The following MACROD2 variants were observed in gnomAD, a reference collection of about 807,000 sequenced individuals.
MACROD2 encodes mono-ADP ribosylhydrolase 2, also known as ADP-ribose glycohydrolase MACROD2.
A neutral mutation model predicts 70.4 loss-of-function variants in MACROD2; 36 were observed. The ratio of observed to expected loss-of-function variants is 0.51; its 90% CI spans 0.39 to 0.68. The LOEUF (loss-of-function observed/expected upper bound fraction) is 0.68, where lower values mean the gene tolerates loss of function less well. Ranked by LOEUF, MACROD2 falls within the 30% of genes least tolerant of loss-of-function variation. The pLI is 0.00. For missense variants in MACROD2, 496 were observed against 538.4 expected, an observed-to-expected ratio of 0.92 and a Z score of 0.78; for synonymous variants, 172 against 178.8, an observed-to-expected ratio of 0.96 and a Z score of 0.30.
intron 3 of MACROD2, among the ~76,000 whole-genome samples, chr20:14,128,540 A>T (rs1407288773): frequency 6.6e-6 from 1 of 152,238 alleles, no homozygotes; most frequent in Admixed American, 6.5e-5. Context: ...GAGGCAAGTT[A>T]TCCAGAAGAC....
chr20:15,576,986 G>A (rs1184099080), intron 8 of MACROD2, among the ~76,000 whole-genome samples: 1 of 152,044 alleles, frequency 6.6e-6, no homozygotes, highest in Non-Finnish European at 1.5e-5. Context: ...TCCATCTGAA[G>A]GGAAACACTT....
intron 5 of MACROD2, among the ~76,000 whole-genome samples, chr20:14,744,446 TATC>T (rs767245457): frequency 5.9e-5 from 9 of 152,338 alleles, no homozygotes; most frequent in Admixed American, 2.6e-4. Flanking sequence ...CTTACATAAT[TATC>T]ATGTTTGTGG....
intron 3 of MACROD2, among the ~76,000 whole-genome samples, chr20:14,199,959 T>G (rs890635710): frequency 1.3e-5 from 2 of 152,194 alleles, no homozygotes; most frequent in Non-Finnish European, 2.9e-5. Context: ...ATTATGTAGT[T>G]TCTTATGGTA....
chr20:15,707,914 T>C (rs1203277663), intron 8 of MACROD2, among the ~76,000 whole-genome samples: 1 of 151,686 alleles, frequency 6.6e-6, no homozygotes, highest in African/African-American at 2.4e-5. Context: ...AAAGGCTGCA[T>C]GGTGTGAGTG....
chr20:15,137,225 CTGTAAATCA>C (rs1234869995), intron 5 of MACROD2, among the ~76,000 whole-genome samples: 1 of 151,426 alleles, frequency 6.6e-6, no homozygotes, highest in Non-Finnish European at 1.5e-5. Context: ...ACCCAAAGGA[CTGTAAATCA>C]TGCTGCTATA....
At chr20:14,781,892 T>C (rs1487716966) in intron 5 of MACROD2, among the ~76,000 whole-genome samples, 1 of 151,792 alleles carries the variant, frequency 6.6e-6, no homozygotes, top group Admixed American at 6.6e-5. Context: ...GTCAGAGCTG[T>C]GTTGTAGTGG....
At chr20:15,073,276 T>TTACAGGAGCTCCTG (rs2075632770) in intron 5 of MACROD2, among the ~76,000 whole-genome samples, 1 of 152,156 alleles carries the variant, frequency 6.6e-6, no homozygotes, top group Non-Finnish European at 1.5e-5. Context: ...CTCCAACTAC[T>TTACAGGAGCTCCTG]ATCAAAGATG....
At chr20:15,180,018 T>C (rs1004405315) in intron 5 of MACROD2, among the ~76,000 whole-genome samples, 19 of 152,206 alleles carry the variant, frequency 1.2e-4, no homozygotes, top group African/African-American at 4.6e-4. Flanking sequence ...TTACTCTTCA[T>C]ATGGTCCTCC....
At chr20:14,810,203 A>G (rs2072692164) in intron 5 of MACROD2, among the ~76,000 whole-genome samples, 1 of 152,144 alleles carries the variant, frequency 6.6e-6, no homozygotes, top group African/African-American at 2.4e-5. Context: ...AAATACTGGC[A>G]AACCAAATCC....
At chr20:14,383,662 T>C (rs980461351) in intron 3 of MACROD2, among the ~76,000 whole-genome samples, 1 of 152,194 alleles carries the variant, frequency 6.6e-6, no homozygotes, top group African/African-American at 2.4e-5. Context: ...ACAATGTTCA[T>C]GAAATATTAC....
chr20:15,514,744 G>C (rs1233769), intron 8 of MACROD2, among the ~76,000 whole-genome samples: 128,757 of 152,266 alleles, frequency 0.85, 54,806 homozygotes, highest in East Asian at 0.99. Flanking sequence ...TCACAAAGAT[G>C]CTATGTTATA....
chr20:15,736,731 G>A (rs2051026391), intron 8 of MACROD2, among the ~76,000 whole-genome samples: 1 of 152,184 alleles, frequency 6.6e-6, no homozygotes, highest in African/African-American at 2.4e-5. Flanking sequence ...GGAAAATACA[G>A]TATTTGAGGG....
intron 5 of MACROD2, among the ~76,000 whole-genome samples, chr20:15,227,407 T>A (rs2076916580): frequency 6.6e-6 from 1 of 151,308 alleles, no homozygotes; most frequent in Non-Finnish European, 1.5e-5. Context: ...CCCGTTAATA[T>A]CTCTAAGCCT....
intron 8 of MACROD2, among the ~76,000 whole-genome samples, chr20:15,746,476 A>G (rs2051184209): frequency 6.7e-6 from 1 of 149,054 alleles, no homozygotes; most frequent in African/African-American, 2.5e-5. Flanking sequence ...TTCCAATTCT[A>G]TTACCATTTA....
At chr20:14,425,700 T>C (rs2083925090) in intron 3 of MACROD2, among the ~76,000 whole-genome samples, 2 of 152,130 alleles carry the variant, frequency 1.3e-5, no homozygotes, top group South Asian at 4.1e-4. Flanking sequence ...ATCCTGTAGG[T>C]TTTGTATCAA....
intron 5 of MACROD2, among the ~76,000 whole-genome samples, chr20:15,135,284 T>A (rs1387232649): frequency 6.6e-6 from 1 of 151,166 alleles, no homozygotes; most frequent in Non-Finnish European, 1.5e-5. Context: ...TAGACCAATA[T>A]CCTTGATGAA....
chr20:15,451,733 C>A (rs540483243), intron 7 of MACROD2, among the ~76,000 whole-genome samples: 2 of 152,252 alleles, frequency 1.3e-5, no homozygotes, highest in East Asian at 3.9e-4. Flanking sequence ...AATCTTTCAA[C>A]TCACCCCATT....
chr20:14,908,867 C>T (rs1279630834), intron 5 of MACROD2, among the ~76,000 whole-genome samples: 1 of 152,068 alleles, frequency 6.6e-6, no homozygotes, highest in Non-Finnish European at 1.5e-5. Context: ...ATTGAGGAGA[C>T]AGTACTACAA....
chr20:14,556,847 A>G (rs1472895246), intron 4 of MACROD2, among the ~76,000 whole-genome samples: 1 of 152,040 alleles, frequency 6.6e-6, no homozygotes, highest in East Asian at 1.9e-4. Context: ...AAGCCCTAGT[A>G]TGTTAATAAA....
Sources: gnomAD v4.1 joint callset for allele counts (sites outside exome capture counted in the v4.1 genomes callset) on GRCh38, gnomAD v4.1.1 for gene constraint, MANE v1.5 for transcripts, NCBI Gene and HGNC (gene_info 2026-07-23, HGNC 2026-07-21) for gene names.